DRC11: variants seen among roughly 807,000 people sequenced by gnomAD.
The protein encoded by DRC11 is dynein regulatory complex subunit 11, also known as IQ and AAA domain-containing protein 1.
At chr2:236,496,516 T>C in the DRC11 span, among the ~76,000 whole-genome samples, 29,717 of 152,084 alleles carry the variant, frequency 0.2, 6,623 homozygotes, top group African/African-American at 0.53. This position sits in a 1 kb window ranked among gnomAD's most constrained non-coding sequence, Gnocchi z 6.3. Context: ...GGCCCTGTGC[T>C]CGGCAGGAAC....
At chr2:236,491,138 T>TATATATATATATATAC in the DRC11 span, among the ~76,000 whole-genome samples, 2 of 98,758 alleles carry the variant, frequency 2.0e-5, no homozygotes, top group African/African-American at 9.8e-5. Context: ...TATATATATA[T>TATATATATATATATAC]ACAGTATATA....
At chr2:236,310,646 G>A in the DRC11 span, among the ~76,000 whole-genome samples, 7 of 152,320 alleles carry the variant, frequency 4.6e-5, no homozygotes, top group African/African-American at 1.7e-4. This position sits in a 1 kb window ranked among gnomAD's most constrained non-coding sequence, Gnocchi z 5.5. Context: ...CACCACTGTC[G>A]AAGGGCTGCG....
At chr2:236,494,101 T>C in the DRC11 span, among the ~76,000 whole-genome samples, 3 of 152,228 alleles carry the variant, frequency 2.0e-5, no homozygotes, top group Admixed American at 6.5e-5. The surrounding 1 kb of genome is among the most constrained non-coding windows in gnomAD (Gnocchi z 4.2). Flanking sequence ...TGCCCCTTGC[T>C]TTAATCATTA....
chr2:236,426,291 G>A, the DRC11 span, among the ~76,000 whole-genome samples: 1 of 151,774 alleles, frequency 6.6e-6, no homozygotes. The surrounding 1 kb of genome is among the most constrained non-coding windows in gnomAD (Gnocchi z 4.1). Flanking sequence ...CTATTTATTT[G>A]TGTCCTCTTA....
the DRC11 span, chr2:236,343,704 A>G: frequency 5.4e-6 from 7 of 1,303,162 alleles, no homozygotes; most frequent in Non-Finnish European, 7.1e-6. This position sits in a 1 kb window ranked among gnomAD's most constrained non-coding sequence, Gnocchi z 6.6. Context: ...TTGCATACCT[A>G]CTTGTGGACC....
At chr2:236,386,545 T>C in the DRC11 span, among the ~76,000 whole-genome samples, 2 of 152,182 alleles carry the variant, frequency 1.3e-5, no homozygotes, top group African/African-American at 4.8e-5. Flanking sequence ...TATTTGATTC[T>C]TCTCTCTTTT....
chr2:236,435,722 CAT>C, the DRC11 span, among the ~76,000 whole-genome samples: 1 of 152,148 alleles, frequency 6.6e-6, no homozygotes, highest in South Asian at 2.1e-4. Flanking sequence ...TCTCCCTTGA[CAT>C]GTGGGGATTT....
chr2:236,345,467 G>A, the DRC11 span, among the ~76,000 whole-genome samples: 2 of 152,188 alleles, frequency 1.3e-5, no homozygotes, highest in East Asian at 3.9e-4. Context: ...ACTGGGCCAC[G>A]AGTTTTAATT....
At chr2:236,435,238 C>A in the DRC11 span, among the ~76,000 whole-genome samples, 1 of 152,226 alleles carries the variant, frequency 6.6e-6, no homozygotes, top group African/African-American at 2.4e-5. Flanking sequence ...AACGAATTTC[C>A]TGTTAAAGAA....
At chr2:236,458,970 A>G in the DRC11 span, among the ~76,000 whole-genome samples, 9 of 152,084 alleles carry the variant, frequency 5.9e-5, no homozygotes, top group African/African-American at 2.2e-4. Flanking sequence ...TCTTGAACCC[A>G]GGAGTTGGAG....
the DRC11 span, among the ~76,000 whole-genome samples, chr2:236,426,443 T>C: frequency 6.6e-6 from 1 of 150,688 alleles, no homozygotes; most frequent in African/African-American, 2.5e-5. This position sits in a 1 kb window ranked among gnomAD's most constrained non-coding sequence, Gnocchi z 4.1. Context: ...GAGAGTTCAC[T>C]GTTAGTGTAT....
chr2:236,490,565 A>G, the DRC11 span, among the ~76,000 whole-genome samples: 1 of 152,220 alleles, frequency 6.6e-6, no homozygotes, highest in Non-Finnish European at 1.5e-5. The surrounding 1 kb of genome is among the most constrained non-coding windows in gnomAD (Gnocchi z 5.5). Flanking sequence ...CTTAGCATAC[A>G]GTACCCAGCA....
At chr2:236,349,109 C>G in the DRC11 span, among the ~76,000 whole-genome samples, 1 of 152,176 alleles carries the variant, frequency 6.6e-6, no homozygotes. This position sits in a 1 kb window ranked among gnomAD's most constrained non-coding sequence, Gnocchi z 5.5. Flanking sequence ...ACCCCACAGT[C>G]TATTCATGGC....
chr2:236,405,888 C>A, the DRC11 span, among the ~76,000 whole-genome samples: 1 of 152,176 alleles, frequency 6.6e-6, no homozygotes, highest in African/African-American at 2.4e-5. This position sits in a 1 kb window ranked among gnomAD's most constrained non-coding sequence, Gnocchi z 4.6. Flanking sequence ...TTCATTCACA[C>A]TGCGAAGAAT....
At chr2:236,503,497 C>A in the DRC11 span, 1 of 916,188 alleles carries the variant, frequency 1.1e-6, no homozygotes, top group South Asian at 1.5e-5. This position sits in a 1 kb window ranked among gnomAD's most constrained non-coding sequence, Gnocchi z 4.9. Flanking sequence ...CTTGAGCCTT[C>A]CGGGTCCTGC....
chr2:236,318,008 C>A, the DRC11 span, among the ~76,000 whole-genome samples: 1 of 152,336 alleles, frequency 6.6e-6, no homozygotes, highest in African/African-American at 2.4e-5. The surrounding 1 kb of genome is among the most constrained non-coding windows in gnomAD (Gnocchi z 7.0). Context: ...TCTCACGGTG[C>A]GGTGTAGGGG....
chr2:236,393,922 C>T, the DRC11 span, among the ~76,000 whole-genome samples: 1 of 152,096 alleles, frequency 6.6e-6, no homozygotes, highest in Non-Finnish European at 1.5e-5. The surrounding 1 kb of genome is among the most constrained non-coding windows in gnomAD (Gnocchi z 4.7). Flanking sequence ...AGACCATTCC[C>T]CTTTCTGAGA....
chr2:236,392,841 G>A, the DRC11 span, among the ~76,000 whole-genome samples: 4 of 152,138 alleles, frequency 2.6e-5, no homozygotes, highest in Non-Finnish European at 5.9e-5. This position sits in a 1 kb window ranked among gnomAD's most constrained non-coding sequence, Gnocchi z 5.1. Flanking sequence ...CAAGTACCCA[G>A]TATTTCTCCC....
chr2:236,308,073 A>T, the DRC11 span, among the ~76,000 whole-genome samples: 1 of 146,954 alleles, frequency 6.8e-6, no homozygotes, highest in Non-Finnish European at 1.5e-5. This position sits in a 1 kb window ranked among gnomAD's most constrained non-coding sequence, Gnocchi z 6.0. Flanking sequence ...AGGCGTCCTC[A>T]TGCGCTTGCA....
Sources: allele counts gnomAD v4.1 joint callset (sites outside exome capture counted in the v4.1 genomes callset), GRCh38; gene constraint gnomAD v4.1.1; non-coding constraint Gnocchi (gnomAD v3.1); transcripts MANE v1.5; gene names NCBI Gene and HGNC (gene_info 2026-07-23, HGNC 2026-07-21).